SGMS2: variants seen among roughly 807,000 people sequenced by gnomAD.
The protein encoded by SGMS2 is sphingomyelin synthase 2.
A neutral mutation model predicts 43.8 loss-of-function variants in SGMS2; 21 were observed. That is an observed-to-expected ratio of 0.48 (90% CI 0.34 to 0.69). The LOEUF (loss-of-function observed/expected upper bound fraction) is 0.69, where lower values mean the gene tolerates loss of function less well. Ranked by LOEUF, SGMS2 falls within the 30% of genes least tolerant of loss-of-function variation. SGMS2 has a pLI of 0.01. For missense variants in SGMS2, 384 were observed against 443.2 expected, an observed-to-expected ratio of 0.87 and a Z score of 1.20; for synonymous variants, 167 against 160.6, an observed-to-expected ratio of 1.04 and a Z score of -0.30.
Position 107,911,664 on chromosome 4 carries a change from G to T in SGMS2, c.*1111G>T, listed in dbSNP as rs146681001. ...ATAACTAGTCCTAAGGACATATGCC[G>T]CAATTGAGTAATTTTACTTTTACCC... On this transcript the variant is annotated 3_prime_UTR_variant, in exon 7 of 7. Coordinates refer to ENST00000690982, the MANE Select transcript of SGMS2 (RefSeq NM_001375905.1). 1 of 152,228 alleles carries T rather than the reference G, an allele frequency of 6.6e-6. No individual in the cohort carries two copies. The highest frequency in any genetic ancestry group is 2.1e-4 in the South Asian group (1 of 4,824). 9.4% of individuals were successfully genotyped at this position (152,228 alleles called of 1,614,324 possible).
chr4:107,891,136 C>T (rs939901942), intron 2 of SGMS2, among the ~76,000 whole-genome samples: 1 of 144,620 alleles, frequency 6.9e-6, no homozygotes, highest in African/African-American at 2.6e-5. Flanking sequence ...TTCTCCCCCC[C>T]ATTATACCAC....
rs986759882 is a variant in SGMS2, at chr4:107,913,077, C to T, written c.*2524C>T. On this transcript the variant is annotated 3_prime_UTR_variant, in exon 7 of 7. Transcript: ENST00000690982. ...AAGATATAAAACAAGTATGATCTTG[C>T]CTTTGAAATCATAAATGTTTGGGGT... 6.6e-6 allele frequency: 1 copy of T among 151,854 alleles called. No individual in the cohort carries two copies. The highest frequency in any genetic ancestry group is 1.5e-5 in the Non-Finnish European group (1 of 67,986). 9.4% of individuals were successfully genotyped at this position (151,854 alleles called of 1,614,324 possible). A position where few individuals can be genotyped will look rare whatever the true frequency, so the allele number is the denominator to read the frequency against.
chr4:107,873,065 G>T (rs1391137621), intron 2 of SGMS2, among the ~76,000 whole-genome samples: 1 of 152,194 alleles, frequency 6.6e-6, no homozygotes, highest in Non-Finnish European at 1.5e-5. Flanking sequence ...GCTCACTGCA[G>T]TTTTTATGCT....
chr4:107,889,896 A>G (rs1320304870), intron 2 of SGMS2, among the ~76,000 whole-genome samples: 3 of 152,192 alleles, frequency 2.0e-5, no homozygotes, highest in Non-Finnish European at 2.9e-5. Context: ...AAGGAGACCA[A>G]TTTTATTTAG....
At chr4:107,894,496 G>A (rs1730499669) in intron 2 of SGMS2, 1 of 152,180 alleles carries the variant, frequency 6.6e-6, no homozygotes, top group African/African-American at 2.4e-5. Flanking sequence ...CCCTGAGCTG[G>A]TCCTCTGGAG....
At chr4:107,898,500 C>A (rs1410797926) in intron 3 of SGMS2, among the ~76,000 whole-genome samples, 1 of 132,184 alleles carries the variant, frequency 7.6e-6, no homozygotes, top group African/African-American at 2.5e-5. Flanking sequence ...AAGCTTGAGA[C>A]CTCTGAAAAT....
At chr4:107,881,136 T>G (rs1034274911) in intron 2 of SGMS2, among the ~76,000 whole-genome samples, 5 of 152,122 alleles carry the variant, frequency 3.3e-5, no homozygotes, top group African/African-American at 1.2e-4. Flanking sequence ...TTATATTGAT[T>G]TTTACAAAAT....
chr4:107,879,320 T>C (rs1729165740), intron 2 of SGMS2, among the ~76,000 whole-genome samples: 2 of 152,172 alleles, frequency 1.3e-5, no homozygotes, highest in Admixed American at 1.3e-4. Context: ...TTTAGAAATG[T>C]GTGTTATTTC....
chr4:107,850,131 G>A (rs1263421333), intron 1 of SGMS2, among the ~76,000 whole-genome samples: 1 of 152,102 alleles, frequency 6.6e-6, no homozygotes, highest in Non-Finnish European at 1.5e-5. Flanking sequence ...TCCTCCCACT[G>A]TCTCTTGATC....
chr4:107,883,908 C>T (rs1356848759), intron 2 of SGMS2, among the ~76,000 whole-genome samples: 2 of 152,110 alleles, frequency 1.3e-5, no homozygotes, highest in Admixed American at 6.5e-5. Context: ...GCAAACCAGT[C>T]CTACCATGAT....
intron 3 of SGMS2, 59 bp downstream of exon 3, chr4:107,896,067 G>T (rs918124131): frequency 3.6e-5 from 52 of 1,446,978 alleles, no homozygotes; most frequent in Non-Finnish European, 4.5e-5. Context: ...TGAATAGATG[G>T]GTTATTGAGA....
At chr4:107,890,035 T>A (rs998577500) in intron 2 of SGMS2, among the ~76,000 whole-genome samples, 3 of 152,136 alleles carry the variant, frequency 2.0e-5, no homozygotes. Context: ...TTAAAAAAAA[T>A]TTTTTTAAAA....
At chr4:107,873,318 G>C (rs1353573429) in intron 2 of SGMS2, 2 of 152,094 alleles carry the variant, frequency 1.3e-5, no homozygotes, top group African/African-American at 4.8e-5. Flanking sequence ...AAAGAAATGA[G>C]TTCTGGCTTA....
chr4:107,855,441 T>C (rs753596578), intron 1 of SGMS2, among the ~76,000 whole-genome samples: 26 of 152,196 alleles, frequency 1.7e-4, no homozygotes, highest in Non-Finnish European at 3.8e-4. Flanking sequence ...TTAATTTCTT[T>C]GTTGATTGTT....
At chr4:107,888,790 C>T (rs2126103831) in intron 2 of SGMS2, among the ~76,000 whole-genome samples, 1 of 151,936 alleles carries the variant, frequency 6.6e-6, no homozygotes, top group East Asian at 1.9e-4. Flanking sequence ...TGGAAAATAT[C>T]CAAATAATGA....
At chr4:107,825,614 C>A (rs916793191) in intron 1 of SGMS2, among the ~76,000 whole-genome samples, 11 of 136,858 alleles carry the variant, frequency 8.0e-5, no homozygotes, top group Non-Finnish European at 1.7e-4. Flanking sequence ...TTTTTCTTTT[C>A]TTTCTCTTTT....
At chr4:107,844,417 G>A (rs1342248960) in intron 1 of SGMS2, among the ~76,000 whole-genome samples, 1 of 151,308 alleles carries the variant, frequency 6.6e-6, no homozygotes, top group East Asian at 2.0e-4. Flanking sequence ...AAAAAAAAGT[G>A]TCGGATGGAC....
intron 1 of SGMS2, among the ~76,000 whole-genome samples, chr4:107,831,238 T>G (rs1291774054): frequency 6.6e-6 from 1 of 152,206 alleles, no homozygotes; most frequent in Non-Finnish European, 1.5e-5. Context: ...ATGTTGGGTT[T>G]TGAGAGACAT....
chr4:107,846,045 T>C (rs1160876068), intron 1 of SGMS2, among the ~76,000 whole-genome samples: 1 of 152,148 alleles, frequency 6.6e-6, no homozygotes, highest in Non-Finnish European at 1.5e-5. Context: ...TTTAGATCAG[T>C]GATTGTATTT....
Sources: gnomAD v4.1 joint callset for allele counts (sites outside exome capture counted in the v4.1 genomes callset) on GRCh38, gnomAD v4.1.1 for gene constraint, MANE v1.5 for transcripts, NCBI Gene and HGNC (gene_info 2026-07-23, HGNC 2026-07-21) for gene names.